The following TMX3 variants were observed in gnomAD, a reference collection of about 807,000 sequenced individuals.
TMX3 encodes the protein protein disulfide-isomerase TMX3.
In TMX3, 40 loss-of-function variants were observed where a neutral mutation model predicts 64.4. The ratio of observed to expected loss-of-function variants is 0.62; its 90% CI spans 0.48 to 0.81. TMX3 has a LOEUF of 0.81. Among genes scored for constraint, TMX3 ranks in the 30% least tolerant of loss-of-function variants. The pLI is 0.00. For synonymous variants in TMX3, 189 were observed against 175.7 expected, an observed-to-expected ratio of 1.08 and a Z score of -0.60; for missense variants, 497 against 534.5, an observed-to-expected ratio of 0.93 and a Z score of 0.69.
intron 9 of TMX3, 146 bp from the exon 10 acceptor site, chr18:68,687,911 C>T: frequency 2.0e-6 from 1 of 488,170 alleles, no homozygotes; most frequent in Non-Finnish European, 3.4e-6. Flanking sequence ...TGCAAGCATA[C>T]AATCAAATGT....
intron 1 of TMX3, 150 bp downstream of exon 1, chr18:68,714,786 C>A (rs981207169): frequency 8.9e-7 from 1 of 1,123,378 alleles, no homozygotes; most frequent in Non-Finnish European, 1.2e-6. Flanking sequence ...GGCAGGGTGG[C>A]GCGGCGGGGG....
Position 68,676,637 on chromosome 18 carries a change from T to G in TMX3, c.*296A>C. 1 of 305,928 alleles carries G rather than the reference T, an allele frequency of 3.3e-6. No individual in the cohort carries two copies. Among genetic ancestry groups the G allele is most frequent in the Non-Finnish European group, 6.0e-6 (1 of 166,210 alleles). The allele number at this position is 305,928 out of a possible 1,614,324, so 19.0% of individuals were successfully genotyped here. A position where few individuals can be genotyped will look rare whatever the true frequency, so the allele number is the denominator to read the frequency against. On this transcript the variant is annotated 3_prime_UTR_variant, in exon 16 of 16. Coordinates refer to ENST00000299608, the MANE Select transcript of TMX3 (RefSeq NM_019022.5). ...AAATATTCTGCCCAAGAATCTTAAC[T>G]TTTTGTCACAGAATATTCAGATAGA...
chr18:68,690,733 G>C (rs998085515), intron 9 of TMX3, among the ~76,000 whole-genome samples: 6 of 152,182 alleles, frequency 3.9e-5, no homozygotes, highest in East Asian at 3.9e-4. Context: ...AAAGATCTTC[G>C]TAAGTGTTTA....
At chr18:68,714,662 T>G (rs1212131021) in intron 1 of TMX3, among the ~76,000 whole-genome samples, 1 of 152,232 alleles carries the variant, frequency 6.6e-6, no homozygotes, top group Non-Finnish European at 1.5e-5. Context: ...TTATTGAAAC[T>G]TCTGCCACAA....
chr18:68,681,315 C>A, intron 13 of TMX3: 1 of 565,370 alleles, frequency 1.8e-6, no homozygotes. Flanking sequence ...TTTGATATTT[C>A]TAGGATACGC....
Position 68,676,706 on chromosome 18 carries a change from G to A in TMX3, c.*227C>T. ...TGTTCTGTTCTAATCACAAAGATCA[G>A]GTAAATTTTGATGGAGTGCTCTGTG... On this transcript the variant is annotated 3_prime_UTR_variant, in exon 16 of 16. Coordinates refer to ENST00000299608, the MANE Select transcript of TMX3 (RefSeq NM_019022.5). 1.8e-6 allele frequency: 1 copy of A among 548,230 alleles called. No individual in the cohort carries two copies. Among genetic ancestry groups the A allele is most frequent in the Non-Finnish European group, 3.2e-6 (1 of 312,040 alleles). 34.0% of individuals were successfully genotyped at this position (548,230 alleles called of 1,614,324 possible). A position where few individuals can be genotyped will look rare whatever the true frequency, so the allele number is the denominator to read the frequency against.
At chr18:68,706,694 CTTAGAA>C (rs1284975597) in intron 4 of TMX3, among the ~76,000 whole-genome samples, 2 of 152,156 alleles carry the variant, frequency 1.3e-5, no homozygotes, top group African/African-American at 2.4e-5. Context: ...TACAGGTAGA[CTTAGAA>C]TAACAATGGC....
chr18:68,709,922 A>G, intron 4 of TMX3, 99 bp downstream of exon 4: 1 of 1,174,082 alleles, frequency 8.5e-7, no homozygotes, highest in Non-Finnish European at 1.2e-6. Context: ...ATTGAATTTT[A>G]CATGAGCAAA....
rs1913218335 is a variant in TMX3, at chr18:68,679,452, T to G, written c.1104+11A>C. 1 of 1,606,258 alleles carries G rather than the reference T, an allele frequency of 6.2e-7. No homozygotes were observed. Among genetic ancestry groups the G allele is most frequent in the African/African-American group, 1.3e-5 (1 of 74,668 alleles). Reference sequence around the variant, plus strand: ...TCTTCATTATCAATGACATAAACTGTCACAACTTACCACAATAGTAGATTT... The same window carrying G: ...TCTTCATTATCAATGACATAAACTGGCACAACTTACCACAATAGTAGATTT... On this transcript the variant is annotated intron_variant, in intron 15 of 15. Transcript: ENST00000299608.
chr18:68,700,380 G>A (rs985764905), intron 6 of TMX3, 25 bp downstream of exon 6: 1 of 1,442,378 alleles, frequency 6.9e-7, no homozygotes, highest in South Asian at 1.3e-5. Context: ...ATAACATACA[G>A]TAAAGGCCTT....
intron 9 of TMX3, chr18:68,689,874 A>C (rs370586072): frequency 1.3e-5 from 2 of 152,332 alleles, no homozygotes; most frequent in East Asian, 1.9e-4. Context: ...TGGGGTATTA[A>C]TCTATCTGCC....
At chr18:68,682,516 T>C (rs1180139209) in intron 13 of TMX3, among the ~76,000 whole-genome samples, 1 of 152,204 alleles carries the variant, frequency 6.6e-6, no homozygotes. Context: ...TAAAATTGCA[T>C]ATTTTCTTAC....
chr18:68,689,159 CCTTTG>C (rs1448742061), intron 9 of TMX3: 1 of 152,100 alleles, frequency 6.6e-6, no homozygotes, highest in Admixed American at 6.6e-5. Context: ...CAAAGTAAAG[CCTTTG>C]CTTTGTCTGA....
intron 8 of TMX3, among the ~76,000 whole-genome samples, chr18:68,695,865 C>T (rs1033068288): frequency 1.3e-5 from 2 of 152,226 alleles, no homozygotes; most frequent in Admixed American, 6.5e-5. Flanking sequence ...ATCACATGCA[C>T]TGCCATGACT....
At chr18:68,711,208 TA>T (rs2031237236) in intron 3 of TMX3, among the ~76,000 whole-genome samples, 155 bp downstream of exon 3, 1 of 152,192 alleles carries the variant, frequency 6.6e-6, no homozygotes, top group African/African-American at 2.4e-5. Context: ...AGGTTCTTTT[TA>T]ATGTAAAATC....
At chr18:68,692,718 T>C (rs112193029) in intron 8 of TMX3, among the ~76,000 whole-genome samples, 1,678 of 152,258 alleles carry the variant, frequency 0.011, 12 homozygotes, top group African/African-American at 0.017. Context: ...AAAAGAGAGA[T>C]GACAAATATT....
chr18:68,708,722 T>C (rs912384602), intron 4 of TMX3, among the ~76,000 whole-genome samples: 3 of 152,206 alleles, frequency 2.0e-5, no homozygotes, highest in Non-Finnish European at 4.4e-5. Flanking sequence ...TATTACCTCA[T>C]ACTGACAAGT....
rs34191235 is a variant in TMX3, at chr18:68,713,003, TAAAAAAAAAAAA to T, written c.101+831_101+842del. Among the ~76,000 whole-genome samples, 17 of 122,294 alleles carry T rather than the reference TAAAAAAAAAAAA, an allele frequency of 1.4e-4. No homozygotes were observed. In the East Asian group the frequency reaches 4.0e-3, roughly 28 times the overall value. The allele number at this position is 122,294 out of a possible 152,430, so 80.2% of individuals were successfully genotyped here. A position where few individuals can be genotyped will look rare whatever the true frequency, so the allele number is the denominator to read the frequency against. The stretch of plus-strand genomic sequence containing the variant: ...CTGTGACAGTGCAAGTCAAGAGGTT[TAAAAAAAAAAAA>T]AAAAAAAAGAGGCACCAGCTCCTCA... On this transcript the variant is annotated intron_variant, in intron 2 of 15. Transcript: ENST00000299608.
intron 14 of TMX3, among the ~76,000 whole-genome samples, chr18:68,680,744 A>T (rs1024360192): frequency 3.3e-5 from 5 of 152,062 alleles, no homozygotes; most frequent in Admixed American, 3.3e-4. Context: ...TACCCTCCAA[A>T]TAACCCATAA....
Sources: allele counts gnomAD v4.1 joint callset (sites outside exome capture counted in the v4.1 genomes callset), GRCh38; gene constraint gnomAD v4.1.1; transcripts MANE v1.5; gene names NCBI Gene and HGNC (gene_info 2026-07-23, HGNC 2026-07-21).